Variants in PAPPA2 observed in about 807,000 individuals in gnomAD.
The protein encoded by PAPPA2 is pappalysin 2.
Under a neutral mutation model 176.4 loss-of-function variants are expected in PAPPA2, and 86 were observed. The observed-to-expected ratio is 0.49, with a 90% confidence interval of 0.41 to 0.58. PAPPA2 has a LOEUF of 0.58. Among genes scored for constraint, PAPPA2 ranks in the 20% least tolerant of loss-of-function variants. The pLI is 0.00. For missense variants in PAPPA2, 2,073 were observed against 2,256.9 expected (o/e 0.92, Z 1.65); for synonymous variants, 809 against 852.2 (o/e 0.95, Z 0.88).
At chr1:176,709,424 A>G (rs1661038077) in intron 10 of PAPPA2, among the ~76,000 whole-genome samples, 1 of 152,138 alleles carries the variant, frequency 6.6e-6, no homozygotes, top group Non-Finnish European at 1.5e-5. Flanking sequence ...AATTAATAAC[A>G]TATGTAAGCC....
At chr1:176,643,130 C>G (rs10913228) in intron 3 of PAPPA2, among the ~76,000 whole-genome samples, 37,885 of 151,708 alleles carry the variant, frequency 0.25, 4,865 homozygotes, top group South Asian at 0.33. Flanking sequence ...ATATAGCATG[C>G]CATTTTATCT....
At chr1:176,776,162 C>T (rs1208553893) in intron 17 of PAPPA2, among the ~76,000 whole-genome samples, 1 of 152,148 alleles carries the variant, frequency 6.6e-6, no homozygotes, top group Non-Finnish European at 1.5e-5. Context: ...TGTATTTTGT[C>T]AATAAAACCA....
intron 15 of PAPPA2, 33 bp from the exon 16 acceptor site, chr1:176,769,574 T>C: frequency 6.2e-7 from 1 of 1,601,674 alleles, no homozygotes; most frequent in Non-Finnish European, 8.5e-7. Context: ...CCTTTTAATG[T>C]GACTTTGACA....
chr1:176,713,686 C>A (rs529866922), intron 12 of PAPPA2, among the ~76,000 whole-genome samples: 2 of 152,194 alleles, frequency 1.3e-5, no homozygotes, highest in African/African-American at 4.8e-5. Context: ...TCCCCCCAGG[C>A]CCAAAGACAA....
chr1:176,666,396 T>C (rs1252912286), intron 3 of PAPPA2, among the ~76,000 whole-genome samples: 1 of 151,712 alleles, frequency 6.6e-6, no homozygotes, highest in Admixed American at 6.6e-5. Flanking sequence ...GATTAGGAGG[T>C]ACATGGAAAA....
intron 3 of PAPPA2, among the ~76,000 whole-genome samples, chr1:176,640,713 G>A (rs1195366842): frequency 2.0e-5 from 3 of 151,826 alleles, no homozygotes; most frequent in Admixed American, 6.6e-5. Flanking sequence ...CCAGTAATGG[G>A]ATGGCTGGGT....
rs564701863 is a variant in PAPPA2, at chr1:176,751,013, T to C, written c.4151+10817T>C. Among the ~76,000 whole-genome samples, 1,108 of 152,106 alleles carry C rather than the reference T, an allele frequency of 7.3e-3. 10 individuals are homozygous for C. Among genetic ancestry groups the C allele is most frequent in the African/African-American group, 0.025 (1,039 of 41,490 alleles). Reference sequence around the variant, plus strand: ...TCTTTAATCCATCTTGAATTGATTTTTGTATAAGGTGTAAGGAAGGGATCC... The same window carrying C: ...TCTTTAATCCATCTTGAATTGATTTCTGTATAAGGTGTAAGGAAGGGATCC... On this transcript the variant is annotated intron_variant, in intron 14 of 22. Coordinates refer to ENST00000367662, the MANE Select transcript of PAPPA2 (RefSeq NM_020318.3).
intron 21 of PAPPA2, among the ~76,000 whole-genome samples, chr1:176,813,298 T>C (rs1666247549): frequency 6.6e-6 from 1 of 152,218 alleles, no homozygotes; most frequent in Admixed American, 6.5e-5. Flanking sequence ...TTTCTGGATA[T>C]ATACCCAGTA....
intron 3 of PAPPA2, among the ~76,000 whole-genome samples, chr1:176,638,934 ATGTGCG>A (rs1656891884): frequency 8.6e-6 from 1 of 115,764 alleles, no homozygotes; most frequent in African/African-American, 3.5e-5. Flanking sequence ...GTGCATGTGC[ATGTGCG>A]TGTGTGTGTG....
At chr1:176,603,492 C>G (rs1654440672) in intron 3 of PAPPA2, among the ~76,000 whole-genome samples, 3 of 152,138 alleles carry the variant, frequency 2.0e-5, no homozygotes, top group Admixed American at 2.0e-4. Context: ...CATCAGAGCA[C>G]CAGCCTCTGG....
intron 1 of PAPPA2, among the ~76,000 whole-genome samples, chr1:176,536,969 T>G (rs946908004): frequency 2.0e-5 from 3 of 152,310 alleles, no homozygotes; most frequent in Admixed American, 2.0e-4. Flanking sequence ...ATTTTGAGAA[T>G]GAGGCCTGAG....
At chr1:176,633,826 A>G (rs1487022764) in intron 3 of PAPPA2, among the ~76,000 whole-genome samples, 1 of 152,262 alleles carries the variant, frequency 6.6e-6, no homozygotes, top group Non-Finnish European at 1.5e-5. Flanking sequence ...TATGCAGCCA[A>G]CAGACACATG....
At chr1:176,650,873 G>A (rs1657680899) in intron 3 of PAPPA2, among the ~76,000 whole-genome samples, 1 of 151,378 alleles carries the variant, frequency 6.6e-6, no homozygotes, top group Non-Finnish European at 1.5e-5. Flanking sequence ...ATCTATTATA[G>A]GCTTTTGTGT....
chr1:176,563,300 T>A (rs1445052910), intron 2 of PAPPA2, among the ~76,000 whole-genome samples: 5 of 152,112 alleles, frequency 3.3e-5, no homozygotes, highest in Non-Finnish European at 7.3e-5. Flanking sequence ...TGAGGGGAAA[T>A]CACTGAGTAC....
chr1:176,781,873 G>A (rs1330527225), intron 17 of PAPPA2, among the ~76,000 whole-genome samples: 3 of 152,118 alleles, frequency 2.0e-5, no homozygotes, highest in Non-Finnish European at 2.9e-5. Context: ...AAGTGTATTC[G>A]GAGTGAAAAG....
intron 12 of PAPPA2, among the ~76,000 whole-genome samples, chr1:176,718,653 A>G (rs1427434234): frequency 6.6e-6 from 1 of 150,932 alleles, no homozygotes; most frequent in Non-Finnish European, 1.5e-5. Flanking sequence ...TGAGTTATTT[A>G]TAAGTGTGCT....
chr1:176,558,691 T>C (rs1651476381), intron 2 of PAPPA2, among the ~76,000 whole-genome samples: 1 of 152,188 alleles, frequency 6.6e-6, no homozygotes, highest in Non-Finnish European at 1.5e-5. Flanking sequence ...GATGATTATC[T>C]GATCAGAGTT....
intron 3 of PAPPA2, among the ~76,000 whole-genome samples, chr1:176,669,758 G>T (rs556419564): frequency 5.3e-5 from 8 of 151,858 alleles, no homozygotes; most frequent in African/African-American, 1.9e-4. Context: ...CTTTGGGATC[G>T]CCCTTTCTCA....
chr1:176,793,213 G>T (rs536661274), intron 19 of PAPPA2, among the ~76,000 whole-genome samples: 22 of 152,238 alleles, frequency 1.4e-4, no homozygotes, highest in African/African-American at 5.3e-4. Context: ...TCTAGCTAGA[G>T]TCCTGGAGGG....
Sources: gnomAD v4.1 joint callset for allele counts (sites outside exome capture counted in the v4.1 genomes callset) on GRCh38, gnomAD v4.1.1 for gene constraint, MANE v1.5 for transcripts, NCBI Gene and HGNC (gene_info 2026-07-23, HGNC 2026-07-21) for gene names.